Variants in TSNARE1 observed in about 807,000 individuals in gnomAD.
TSNARE1 encodes the protein t-SNARE domain containing 1, also known as t-SNARE domain-containing protein 1.
Under a neutral mutation model 62.0 loss-of-function variants are expected in TSNARE1, and 49 were observed. The ratio of observed to expected loss-of-function variants is 0.79; its 90% CI spans 0.63 to 1.00. The LOEUF (loss-of-function observed/expected upper bound fraction) is 1.00. TSNARE1 is among the 50% of genes least tolerant of loss of function. TSNARE1 has a pLI of 0.00. For synonymous variants in TSNARE1, 328 were observed against 294.4 expected (o/e 1.11, Z -1.17); for missense variants, 755 against 700.1 (o/e 1.08, Z -0.88).
chr8:142,315,827 C>T (rs541518179), intron 7 of TSNARE1, among the ~76,000 whole-genome samples: 186 of 152,340 alleles, frequency 1.2e-3, no homozygotes, highest in African/African-American at 4.3e-3. Flanking sequence ...AAACCTCTGA[C>T]AGCCGAGGGG....
In TSNARE1 at chr8:142,231,388, C is replaced by T. The variant is rs116559250; in HGVS notation, c.1447-1809G>A. 4.9e-3 allele frequency among the ~76,000 whole-genome samples: 743 copies of T among 152,038 alleles called. 4 individuals carry two copies. The highest frequency in any genetic ancestry group is 0.017 in the African/African-American group (714 of 41,462). On this transcript the variant is annotated intron_variant, in intron 12 of 13. Transcript: ENST00000524325. Reference sequence around the variant, plus strand: ...AAAGTCATGTTGCTGCCTGGACATCCTAGGATGTGGGCAGGGTAATAAGGG... The same window carrying T: ...AAAGTCATGTTGCTGCCTGGACATCTTAGGATGTGGGCAGGGTAATAAGGG...
At chr8:142,251,565 C>T (rs1263269028) in intron 12 of TSNARE1, among the ~76,000 whole-genome samples, 4 of 152,168 alleles carry the variant, frequency 2.6e-5, no homozygotes, top group Admixed American at 1.3e-4. Flanking sequence ...CCTCTGTATT[C>T]TGAGAGCACA....
At chr8:142,261,113 GAAGGAGAGAGAGA>G in intron 12 of TSNARE1, among the ~76,000 whole-genome samples, 1 of 113,408 alleles carries the variant, frequency 8.8e-6, no homozygotes, top group Non-Finnish European at 1.8e-5. Flanking sequence ...GGGGAGCAGG[GAAGGAGAGAGAGA>G]GGAGGGAGGG....
chr8:142,320,429 G>A (rs1366450386), intron 6 of TSNARE1, among the ~76,000 whole-genome samples: 3 of 137,554 alleles, frequency 2.2e-5, no homozygotes, highest in African/African-American at 8.4e-5. Flanking sequence ...CTGTACCTCC[G>A]ACTTCACTTC....
intron 12 of TSNARE1, among the ~76,000 whole-genome samples, chr8:142,235,757 G>A (rs1379372588): frequency 1.3e-5 from 2 of 152,206 alleles, no homozygotes; most frequent in African/African-American, 2.4e-5. Context: ...GCGGCAGCGG[G>A]TGAGAGCACA....
intron 1 of TSNARE1, among the ~76,000 whole-genome samples, chr8:142,364,992 T>C (rs1252573340): frequency 6.6e-6 from 1 of 152,236 alleles, no homozygotes; most frequent in African/African-American, 2.4e-5. Context: ...GAAGGCTTGA[T>C]GAATAACAGG....
intron 4 of TSNARE1, among the ~76,000 whole-genome samples, chr8:142,332,887 G>A (rs1305701652): frequency 6.6e-6 from 1 of 152,226 alleles, no homozygotes; most frequent in East Asian, 1.9e-4. Context: ...GCTCCCAGCA[G>A]CTTGATTGCT....
intron 12 of TSNARE1, chr8:142,273,681 C>G: frequency 2.0e-6 from 2 of 985,362 alleles, no homozygotes; most frequent in Non-Finnish European, 2.4e-6. Context: ...TCAGCCTCCC[C>G]GTTACCACAC....
intron 9 of TSNARE1, among the ~76,000 whole-genome samples, chr8:142,307,319 G>A (rs1826857785): frequency 6.6e-6 from 1 of 152,210 alleles, no homozygotes; most frequent in South Asian, 2.1e-4. Flanking sequence ...TGGTCAGACT[G>A]GGCGGTGTTC....
intron 9 of TSNARE1, among the ~76,000 whole-genome samples, chr8:142,303,933 C>T (rs1270284371): frequency 1.3e-5 from 2 of 152,206 alleles, no homozygotes; most frequent in African/African-American, 2.4e-5. Context: ...TCTCCCATTT[C>T]CTCAGGCCCC....
chr8:142,373,317 A>T (rs1397809145), intron 1 of TSNARE1, among the ~76,000 whole-genome samples: 1 of 152,058 alleles, frequency 6.6e-6, no homozygotes, highest in East Asian at 1.9e-4. Context: ...GCCACCCTCA[A>T]AGGACAGCTG....
At chr8:142,278,876 G>A (rs929604099) in intron 11 of TSNARE1, 153 of 881,050 alleles carry the variant, frequency 1.7e-4, no homozygotes, top group Non-Finnish European at 2.1e-4. Context: ...GTGGGGCGGG[G>A]AAGAGTCAAG....
chr8:142,341,287 C>T (rs1586906419), intron 4 of TSNARE1, among the ~76,000 whole-genome samples: 1 of 152,168 alleles, frequency 6.6e-6, no homozygotes, highest in African/African-American at 2.4e-5. Context: ...CAGGCCTGGC[C>T]AGGCAGTCTT....
rs752716974 is a variant in TSNARE1, at chr8:142,344,248, C to G, written c.463G>C (p.Ala155Pro). The G allele has an allele frequency of 7.4e-6, 12 of 1,611,290 alleles. No homozygotes were observed. The South Asian group carries it at 1.2e-4, about 16-fold the overall frequency. ...ACGCGGTACCTGCGAGTGGGCTCGGCCTTCAGCAGCCCCGTGCCAAACAGC... is the reference window on the plus strand; with the variant it reads ...ACGCGGTACCTGCGAGTGGGCTCGGGCTTCAGCAGCCCCGTGCCAAACAGC... Reference protein sequence around the residue: ...QLLFGTGLLKAEPTRRYRVWS... With the variant: ...QLLFGTGLLKPEPTRRYRVWS... Residue 155 changes from alanine to proline, a missense_variant, in exon 4 of 14, where the codon GCC becomes CCC. Coordinates refer to ENST00000524325, the MANE Select transcript of TSNARE1 (RefSeq NM_145003.5).
At chr8:142,244,983 C>T (rs1361553941) in intron 12 of TSNARE1, among the ~76,000 whole-genome samples, 3 of 152,318 alleles carry the variant, frequency 2.0e-5, no homozygotes, top group Non-Finnish European at 2.9e-5. Context: ...ATCATTACGA[C>T]GGAAAAAAAC....
At chr8:142,368,256 G>A (rs1206440365) in intron 1 of TSNARE1, among the ~76,000 whole-genome samples, 1 of 151,856 alleles carries the variant, frequency 6.6e-6, no homozygotes, top group Non-Finnish European at 1.5e-5. Context: ...AAACTACAGG[G>A]AAACAAACAA....
chr8:142,267,705 C>A (rs1241484102), intron 12 of TSNARE1, among the ~76,000 whole-genome samples: 1 of 152,204 alleles, frequency 6.6e-6, no homozygotes, highest in African/African-American at 2.4e-5. Flanking sequence ...GAAGGCCCTG[C>A]AGGCAAGCTC....
At chr8:142,285,494 T>G (rs1822577670) in intron 10 of TSNARE1, among the ~76,000 whole-genome samples, 1 of 124,512 alleles carries the variant, frequency 8.0e-6, no homozygotes. Flanking sequence ...GATGGGTGGA[T>G]AGGTGGGTGG....
In TSNARE1 at chr8:142,330,893, A is replaced by C. The variant is rs1563927695; in HGVS notation, c.893+8T>G. 1 of 1,613,932 alleles carries C rather than the reference A, an allele frequency of 6.2e-7. No individual in the cohort carries two copies. The highest frequency in any genetic ancestry group is 1.1e-5 in the South Asian group (1 of 91,070). Reference sequence around the variant, plus strand: ...CAGGCAAAGAGATACCATGGCCCACACACTCACAGGCTGTCCCGAAGCTCC... The same window carrying C: ...CAGGCAAAGAGATACCATGGCCCACCCACTCACAGGCTGTCCCGAAGCTCC... On this transcript the variant is annotated splice_region_variant and intron_variant, in intron 6 of 13. Transcript: ENST00000524325.
Sources: allele counts gnomAD v4.1 joint callset (sites outside exome capture counted in the v4.1 genomes callset), GRCh38; gene constraint gnomAD v4.1.1; transcripts MANE v1.5; gene names NCBI Gene and HGNC (gene_info 2026-07-23, HGNC 2026-07-21).